PDZD8: variants seen among roughly 807,000 people sequenced by gnomAD.
PDZD8 encodes the protein PDZ domain containing 8, also known as PDZ domain-containing protein 8.
A neutral mutation model predicts 85.8 loss-of-function variants in PDZD8; 14 were observed. The ratio of observed to expected loss-of-function variants is 0.16; its 90% confidence interval spans 0.11 to 0.26. PDZD8 has a LOEUF of 0.26. PDZD8 is among the 10% of genes least tolerant of loss of function. PDZD8 has a pLI of 1.00. For missense variants in PDZD8, 1,197 were observed against 1,424.3 expected (o/e 0.84, Z 2.57); for synonymous variants, 592 against 568.6 (o/e 1.04, Z -0.59).
chr10:117,277,426 C>T lies in PDZD8; in HGVS notation c.*5842G>A. 1 of 451,312 alleles carries T rather than the reference C, an allele frequency of 2.2e-6. No individual in the cohort carries two copies. Among genetic ancestry groups the T allele is most frequent in the South Asian group, 4.6e-5 (1 of 21,668 alleles). 28.0% of individuals were successfully genotyped at this position (451,312 alleles called of 1,614,324 possible). A position where few individuals can be genotyped will look rare whatever the true frequency, so the allele number is the denominator to read the frequency against. Reference sequence around the variant, plus strand: ...TTCCATGGTTATGGTCGATTGCCAACAGCCTTATAAAGAAAAAGAAGCTTT... The same window carrying T: ...TTCCATGGTTATGGTCGATTGCCAATAGCCTTATAAAGAAAAAGAAGCTTT... On this transcript the variant is annotated 3_prime_UTR_variant, in exon 5 of 5. Coordinates refer to ENST00000334464, the MANE Select transcript of PDZD8 (RefSeq NM_173791.5).
Position 117,285,245 on chromosome 10 carries a change from A to G in PDZD8, c.1488T>C (p.Ser496=). 6.2e-7 allele frequency: 1 copy of G among 1,614,212 alleles called. No individual in the cohort carries two copies. The highest frequency in any genetic ancestry group is 8.5e-7 in the Non-Finnish European group (1 of 1,180,034). ...TVDTESRELD[S]EFEDLASDVR... is the part of the protein sequence containing the mutation. The stretch of plus-strand genomic sequence containing the variant: ...CATCACTTGCCAAGTCTTCAAATTC[A>G]GAATCCAGCTCTCTACTTTCAGTAT... Residue 496 remains serine (S), a synonymous_variant, in exon 5 of 5, where the codon TCT becomes TCC. Transcript: ENST00000334464.
chr10:117,372,809 T>C (rs1845216840), intron 1 of PDZD8, among the ~76,000 whole-genome samples: 1 of 152,218 alleles, frequency 6.6e-6, no homozygotes, highest in Non-Finnish European at 1.5e-5. Context: ...AAACTGTCAC[T>C]CTGCGCTGTT....
intron 3 of PDZD8, among the ~76,000 whole-genome samples, chr10:117,310,523 A>G (rs948987763): frequency 4.6e-5 from 7 of 152,188 alleles, no homozygotes; most frequent in African/African-American, 1.4e-4. Context: ...TAGTAAACAT[A>G]CTTAGAAAAC....
chr10:117,311,138 A>G (rs1273909335), intron 3 of PDZD8, among the ~76,000 whole-genome samples: 1 of 152,234 alleles, frequency 6.6e-6, no homozygotes, highest in Admixed American at 6.5e-5. Context: ...CTATACACAT[A>G]GAGTAAGAAA....
At chr10:117,326,563 T>C (rs1454878851) in intron 2 of PDZD8, among the ~76,000 whole-genome samples, 2 of 152,192 alleles carry the variant, frequency 1.3e-5, no homozygotes, top group African/African-American at 2.4e-5. Context: ...TGTAGGTAAC[T>C]TGATGAAGTG....
chr10:117,367,806 C>T (rs78554965), intron 1 of PDZD8, among the ~76,000 whole-genome samples: 8,115 of 151,502 alleles, frequency 0.054, 229 homozygotes, highest in South Asian at 0.069. Context: ...TTGTGGCACA[C>T]GCCTGTGGGA....
rs1423689059 is a variant in PDZD8 at position 117,280,003 on chromosome 10, T to A, written c.*3265A>T. On this transcript the variant is annotated 3_prime_UTR_variant, in exon 5 of 5. Transcript: ENST00000334464. ...GGGACTTAACATTTTATTATTTATC[T>A]TATTTTTAAGAGCCAAATATTTCCA... 1 of 152,196 alleles carries A rather than the reference T, an allele frequency of 6.6e-6. No individual in the cohort carries two copies. Among genetic ancestry groups the A allele is most frequent in the Non-Finnish European group, 1.5e-5 (1 of 68,028 alleles). 9.4% of individuals were successfully genotyped at this position (152,196 alleles called of 1,614,324 possible).
chr10:117,304,007 G>A (rs1259620420), intron 3 of PDZD8, among the ~76,000 whole-genome samples: 1 of 152,170 alleles, frequency 6.6e-6, no homozygotes, highest in Non-Finnish European at 1.5e-5. Flanking sequence ...CTGCCTAGTG[G>A]AGCTGTGAGA....
rs1374616757 is a variant in PDZD8 at position 117,278,683 on chromosome 10, T to C, written c.*4585A>G. ...TTCGACATCAAGGAGCAAAGAACTT[T>C]AGAACAGACTCCTCAATCTTGTGAC... On this transcript the variant is annotated 3_prime_UTR_variant, in exon 5 of 5. Transcript: ENST00000334464. 6.6e-6 allele frequency: 1 copy of C among 152,242 alleles called. No individual in the cohort carries two copies. Among genetic ancestry groups the C allele is most frequent in the Non-Finnish European group, 1.5e-5 (1 of 68,048 alleles). The allele number at this position is 152,242 out of a possible 1,614,324, so 9.4% of individuals were successfully genotyped here.
chr10:117,353,632 A>T (rs538277081), intron 1 of PDZD8, among the ~76,000 whole-genome samples: 6 of 152,092 alleles, frequency 3.9e-5, no homozygotes, highest in African/African-American at 1.2e-4. Flanking sequence ...ATACTTTTTT[A>T]AAAAAAGACA....
chr10:117,304,911 G>T (rs1428561060), intron 3 of PDZD8, among the ~76,000 whole-genome samples: 1 of 152,126 alleles, frequency 6.6e-6, no homozygotes, highest in East Asian at 1.9e-4. Flanking sequence ...GACTAATACA[G>T]TATCTGTAGA....
chr10:117,332,187 T>A (rs565906500), intron 2 of PDZD8, among the ~76,000 whole-genome samples: 17 of 152,274 alleles, frequency 1.1e-4, no homozygotes, highest in East Asian at 5.8e-4. Flanking sequence ...TCCAAGTAAT[T>A]CCTTCTGGTT....
At chr10:117,310,696 T>A (rs1396940075) in intron 3 of PDZD8, among the ~76,000 whole-genome samples, 1 of 152,168 alleles carries the variant, frequency 6.6e-6, no homozygotes, top group Admixed American at 6.6e-5. Flanking sequence ...TATTCACAAG[T>A]ATTATCAAAT....
chr10:117,375,314 G>A lies in PDZD8; in HGVS notation c.-87C>T. 7.8e-7 allele frequency: 1 copy of A among 1,275,072 alleles called. No homozygotes were observed. Among genetic ancestry groups the A allele is most frequent in the South Asian group, 1.7e-5 (1 of 60,006 alleles). The allele number at this position is 1,275,072 out of a possible 1,614,324, so 79.0% of individuals were successfully genotyped here. ...GCCGCCCCCGCTGCCTCCATTTTGA[G>A]GACATCGGGCGGCTGGGTCGGGGCG... On this transcript the variant is annotated 5_prime_UTR_variant, in exon 1 of 5. Transcript: ENST00000334464.
intron 1 of PDZD8, among the ~76,000 whole-genome samples, chr10:117,346,229 G>A (rs1242795328): frequency 9.1e-6 from 1 of 109,420 alleles, no homozygotes; most frequent in Admixed American, 1.2e-4. Context: ...GCGAAACTCC[G>A]TCCAAAAAAA....
chr10:117,338,837 A>G (rs922720206), intron 2 of PDZD8, among the ~76,000 whole-genome samples: 1 of 152,220 alleles, frequency 6.6e-6, no homozygotes, highest in Non-Finnish European at 1.5e-5. Context: ...TACTGCAGGT[A>G]AAGCAAAAAT....
chr10:117,359,821 AT>A (rs200384908), intron 1 of PDZD8, among the ~76,000 whole-genome samples: 1,787 of 152,326 alleles, frequency 0.012, 27 homozygotes, highest in African/African-American at 0.04. Flanking sequence ...AACTGAATAT[AT>A]TAAAAAACTG....
At chr10:117,309,822 G>C (rs1195153380) in intron 3 of PDZD8, among the ~76,000 whole-genome samples, 1 of 152,108 alleles carries the variant, frequency 6.6e-6, no homozygotes, top group Non-Finnish European at 1.5e-5. Flanking sequence ...AGAAGCATCA[G>C]TCCCATTTTA....
intron 1 of PDZD8, among the ~76,000 whole-genome samples, chr10:117,368,850 T>A (rs891301847): frequency 2.6e-5 from 3 of 115,786 alleles, no homozygotes; most frequent in African/African-American, 1.1e-4. Flanking sequence ...ATATTGACAA[T>A]GTTTTTTTTT....
Sources: gnomAD v4.1 joint callset for allele counts (sites outside exome capture counted in the v4.1 genomes callset) on GRCh38, gnomAD v4.1.1 for gene constraint, MANE v1.5 for transcripts, NCBI Gene and HGNC (gene_info 2026-07-23, HGNC 2026-07-21) for gene names.